TMEM131L: variants seen among roughly 807,000 people sequenced by gnomAD.
TMEM131L encodes the protein transmembrane protein 131-like.
Under a neutral mutation model 192.2 loss-of-function variants are expected in TMEM131L, and 54 were observed. The ratio of observed to expected loss-of-function variants is 0.28; its 90% CI spans 0.23 to 0.35. The LOEUF is 0.35. Among genes scored for constraint, TMEM131L ranks in the 10% least tolerant of loss-of-function variants. The pLI is 1.00. For missense variants in TMEM131L, 1,888 were observed against 1,972.9 expected (o/e 0.96, Z 0.82); for synonymous variants, 701 against 704.9 (o/e 0.99, Z 0.09).
intron 3 of TMEM131L, among the ~76,000 whole-genome samples, chr4:153,514,834 A>G (rs1483968980): frequency 4.6e-5 from 7 of 151,264 alleles, no homozygotes; most frequent in Non-Finnish European, 7.4e-5. Context: ...TTTTTTTGAG[A>G]TGGAGTCTCG....
rs1728628473 is a variant in TMEM131L at position 153,558,419 on chromosome 4, CCTT to C, written c.660+54_660+56del. ...TGCTGGTGGCCACCAAACTTTGTAA[CCTT>C]CTCAGAATTGGTTATTTTACTATTT... is the stretch of plus-strand genomic sequence containing the variant. On this transcript the variant is annotated intron_variant, in intron 7 of 34. Coordinates refer to ENST00000409959, the MANE Select transcript of TMEM131L (RefSeq NM_001131007.2). The C allele has an allele frequency of 3.6e-6, 4 of 1,098,280 alleles. No homozygotes were observed. In the East Asian group the frequency reaches 7.2e-5, roughly 20 times the overall value. 68.0% of individuals were successfully genotyped at this position (1,098,280 alleles called of 1,614,324 possible).
chr4:153,475,737 TA>T (rs1207277500), intron 3 of TMEM131L, among the ~76,000 whole-genome samples: 1 of 152,214 alleles, frequency 6.6e-6, no homozygotes, highest in Non-Finnish European at 1.5e-5. Context: ...CATTATTCCT[TA>T]ATACAGTATA....
chr4:153,634,521 A>T (rs1426499424), intron 33 of TMEM131L, among the ~76,000 whole-genome samples: 1 of 152,184 alleles, frequency 6.6e-6, no homozygotes, highest in Non-Finnish European at 1.5e-5. Flanking sequence ...ACCCTAATCC[A>T]TTTAGTCCTT....
chr4:153,596,333 G>A lies in TMEM131L; in HGVS notation c.2071G>A (p.Val691Ile), dbSNP rs369720504. Reference protein sequence around the residue: ...LQPLEMKRVGVVFTPADYGKV... With the variant: ...LQPLEMKRVGIVFTPADYGKV... ...GCCTTTGGAAATGAAAAGGGTTGGCGTAGTTTTCACACCTGCTGACTATGG... is the reference window on the plus strand; with the variant it reads ...GCCTTTGGAAATGAAAAGGGTTGGCATAGTTTTCACACCTGCTGACTATGG... Residue 691 changes from valine to isoleucine, a missense_variant, in exon 20 of 35, where the codon GTA becomes ATA. By Grantham distance (29) the Val-to-Ile change is conservative. Transcript: ENST00000409959. 28 of 1,613,970 alleles carry A rather than the reference G, an allele frequency of 1.7e-5. No individual in the cohort carries two copies. Among genetic ancestry groups the A allele is most frequent in the African/African-American group, 1.6e-4 (12 of 75,042 alleles).
chr4:153,487,562 A>G (rs965608939), intron 3 of TMEM131L, among the ~76,000 whole-genome samples: 2 of 152,112 alleles, frequency 1.3e-5, no homozygotes, highest in African/African-American at 2.4e-5. Context: ...TAAGGGAAGT[A>G]AGTTTGGCAG....
chr4:153,493,101 C>T (rs904763611), intron 3 of TMEM131L, among the ~76,000 whole-genome samples: 1 of 152,086 alleles, frequency 6.6e-6, no homozygotes, highest in African/African-American at 2.4e-5. Flanking sequence ...AATCCCAGCA[C>T]TTTGGGAGGC....
chr4:153,612,964 G>A (rs917683031), intron 26 of TMEM131L, among the ~76,000 whole-genome samples: 2 of 152,144 alleles, frequency 1.3e-5, no homozygotes, highest in Admixed American at 6.5e-5. Context: ...AAAGAGTTGT[G>A]CATAGACAGA....
chr4:153,539,591 G>A (rs1018340061), intron 3 of TMEM131L, among the ~76,000 whole-genome samples: 2 of 150,262 alleles, frequency 1.3e-5, no homozygotes, highest in Non-Finnish European at 2.9e-5. Flanking sequence ...CTGGGCCCTG[G>A]TGGAGTGAAA....
chr4:153,469,345 GTA>G (rs1206859417), intron 2 of TMEM131L, among the ~76,000 whole-genome samples: 49 of 100,612 alleles, frequency 4.9e-4, no homozygotes, highest in African/African-American at 2.6e-3. Flanking sequence ...ACACACGTGT[GTA>G]TGTGTGTGTA....
At chr4:153,482,851 A>G (rs1451676076) in intron 3 of TMEM131L, among the ~76,000 whole-genome samples, 2 of 152,268 alleles carry the variant, frequency 1.3e-5, no homozygotes, top group South Asian at 2.1e-4. Context: ...TCAGCCTTCT[A>G]AAATGTTGGC....
In TMEM131L at chr4:153,581,506, T is replaced by G. The variant is rs1238198091; in HGVS notation, c.838T>G (p.Leu280Val). The G allele has an allele frequency of 4.4e-6, 7 of 1,604,094 alleles. No homozygotes were observed. The highest frequency in any genetic ancestry group is 1.1e-5 in the South Asian group (1 of 89,666). The change falls in exon 9 of 35, where the codon TTG becomes GTG. Residue 280 changes from leucine (L) to valine (V), a missense_variant. Coordinates refer to ENST00000409959, the MANE Select transcript of TMEM131L (RefSeq NM_001131007.2). ...AGAATTTGAAGAAAACACACAACAT[T>G]TGTTAGATCATCTCTCTATTGTTTA... is the stretch of plus-strand genomic sequence containing the variant. ...SKEFEENTQHLLDHLSIVYVA... is the reference protein window; with the variant it reads ...SKEFEENTQHVLDHLSIVYVA...
At chr4:153,633,218 T>G (rs1578914451) in intron 32 of TMEM131L, 2 of 96,924 alleles carry the variant, frequency 2.1e-5, no homozygotes, top group African/African-American at 1.0e-4. Flanking sequence ...TTTATTCGTT[T>G]GTTTATTTAT....
intron 3 of TMEM131L, among the ~76,000 whole-genome samples, chr4:153,482,120 A>C (rs746534980): frequency 8.5e-5 from 13 of 152,190 alleles, no homozygotes; most frequent in Non-Finnish European, 1.3e-4. Context: ...CTGGGATTAC[A>C]GGTGTACACC....
chr4:153,623,278 C>A (rs1219056982), intron 29 of TMEM131L, among the ~76,000 whole-genome samples, 195 bp downstream of exon 29: 1 of 152,148 alleles, frequency 6.6e-6, no homozygotes, highest in Non-Finnish European at 1.5e-5. Context: ...TTGTCATAAT[C>A]ATCATCATTG....
At chr4:153,561,056 GTT>G (rs1728813834) in intron 7 of TMEM131L, among the ~76,000 whole-genome samples, 1 of 152,058 alleles carries the variant, frequency 6.6e-6, no homozygotes, top group Admixed American at 6.5e-5. Flanking sequence ...TTCCATTTTT[GTT>G]TGTTTTTTAA....
At chr4:153,535,577 G>A (rs1246833739) in intron 3 of TMEM131L, among the ~76,000 whole-genome samples, 1 of 152,062 alleles carries the variant, frequency 6.6e-6, no homozygotes, top group African/African-American at 2.4e-5. Flanking sequence ...TTATTTAAAA[G>A]CTAACTTTTG....
chr4:153,529,696 A>G (rs1328807909), intron 3 of TMEM131L, among the ~76,000 whole-genome samples: 6 of 152,240 alleles, frequency 3.9e-5, no homozygotes, highest in African/African-American at 1.4e-4. Flanking sequence ...ACGCTGTGGT[A>G]TACTCTCTGG....
At chr4:153,615,871 ACT>A (rs1732942182) in intron 26 of TMEM131L, among the ~76,000 whole-genome samples, 1 of 151,306 alleles carries the variant, frequency 6.6e-6, no homozygotes, top group Non-Finnish European at 1.5e-5. Flanking sequence ...CCTATTTCAA[ACT>A]CTCCTCCCAG....
chr4:153,473,472 G>A (rs973697157), intron 2 of TMEM131L, among the ~76,000 whole-genome samples: 1 of 152,108 alleles, frequency 6.6e-6, no homozygotes, highest in Non-Finnish European at 1.5e-5. Flanking sequence ...GGTGAAGGGA[G>A]GAGAGCAGTG....
Sources: allele counts gnomAD v4.1 joint callset (sites outside exome capture counted in the v4.1 genomes callset), GRCh38; gene constraint gnomAD v4.1.1; transcripts MANE v1.5; gene names NCBI Gene and HGNC (gene_info 2026-07-23, HGNC 2026-07-21).